Variants in SGMS1 observed in about 807,000 individuals in gnomAD.
SGMS1 encodes the protein phosphatidylcholine:ceramide cholinephosphotransferase 1.
Under a neutral mutation model 46.2 loss-of-function variants are expected in SGMS1, and 13 were observed. The ratio of observed to expected loss-of-function variants is 0.28; its 90% CI spans 0.18 to 0.45. The LOEUF (loss-of-function observed/expected upper bound fraction) is 0.45. Among genes scored for constraint, SGMS1 ranks in the 20% least tolerant of loss-of-function variants. The pLI is 1.00. For synonymous variants in SGMS1, 203 were observed against 187.8 expected, an observed-to-expected ratio of 1.08 and a Z score of -0.66; for missense variants, 324 against 519.9, an observed-to-expected ratio of 0.62 and a Z score of 3.66.
chr10:50,558,504 T>C (rs1454404957), intron 2 of SGMS1, among the ~76,000 whole-genome samples: 1 of 152,230 alleles, frequency 6.6e-6, no homozygotes, highest in Non-Finnish European at 1.5e-5. Flanking sequence ...AAATGGGATC[T>C]GGCATCCTTT....
intron 6 of SGMS1, among the ~76,000 whole-genome samples, chr10:50,383,065 G>T (rs548364471): frequency 6.6e-6 from 1 of 152,130 alleles, no homozygotes; most frequent in African/African-American, 2.4e-5. Flanking sequence ...AGGAAGAAAC[G>T]TATACTGAAG....
intron 3 of SGMS1, among the ~76,000 whole-genome samples, chr10:50,495,272 AAAGGATGT>A (rs1329059127): frequency 4.1e-5 from 6 of 145,864 alleles, no homozygotes; most frequent in African/African-American, 5.0e-5. Flanking sequence ...GAAAAAAAAA[AAAGGATGT>A]GCTGTATCTG....
chr10:50,623,551 G>C (rs1234080674), intron 1 of SGMS1, 156 bp downstream of exon 1: 1 of 982,108 alleles, frequency 1.0e-6, no homozygotes, highest in Non-Finnish European at 1.2e-6. Context: ...CTGCCCGCCA[G>C]GTACGCGCGC....
At chr10:50,528,579 C>T (rs1009827800) in intron 2 of SGMS1, among the ~76,000 whole-genome samples, 40 of 152,220 alleles carry the variant, frequency 2.6e-4, no homozygotes, top group Admixed American at 1.2e-3. Context: ...TTATCAATGT[C>T]TAAATCCCCA....
chr10:50,484,159 A>G (rs1837500289), intron 3 of SGMS1, among the ~76,000 whole-genome samples: 1 of 152,140 alleles, frequency 6.6e-6, no homozygotes, highest in Non-Finnish European at 1.5e-5. Flanking sequence ...CTAGACTAAT[A>G]AAGAAGAAAA....
intron 8 of SGMS1, among the ~76,000 whole-genome samples, chr10:50,313,987 A>T (rs1374878558): frequency 1.3e-5 from 2 of 152,198 alleles, no homozygotes; most frequent in Non-Finnish European, 2.9e-5. Context: ...AGAAAAATTT[A>T]AATTATGTTT....
At position 50,582,340 on chromosome 10, in the gene SGMS1, A is replaced by G. The variant is rs570001471; in HGVS notation, c.-589+7813T>C. On this transcript the variant is annotated intron_variant, in intron 2 of 10. Transcript: ENST00000361781. ...AAATCTCCTTCATTAAGTCATTTGG[A>G]TAATTTCCCCACAAAACATTCTCAA... is the stretch of plus-strand genomic sequence containing the variant. 8.5e-5 allele frequency among the ~76,000 whole-genome samples: 13 copies of G among 152,332 alleles called. 1 individual carries two copies. In the South Asian group the frequency reaches 2.7e-3, roughly 32 times the overall value.
At chr10:50,523,454 G>T (rs1346682213) in intron 2 of SGMS1, among the ~76,000 whole-genome samples, 1 of 152,132 alleles carries the variant, frequency 6.6e-6, no homozygotes, top group Admixed American at 6.5e-5. Context: ...AAATGACAAG[G>T]AAATGTCCCT....
At chr10:50,598,008 G>A (rs1212183535) in intron 1 of SGMS1, among the ~76,000 whole-genome samples, 6 of 142,960 alleles carry the variant, frequency 4.2e-5, no homozygotes, top group East Asian at 2.0e-4. Flanking sequence ...GTGAAACTCC[G>A]TCTCAAAAAA....
intron 1 of SGMS1, among the ~76,000 whole-genome samples, chr10:50,593,815 T>C (rs191883476): frequency 6.8e-4 from 103 of 152,316 alleles, no homozygotes; most frequent in Non-Finnish European, 1.1e-3. Flanking sequence ...ACAGTTCTCA[T>C]TGTGTGAACA....
At chr10:50,615,573 C>G (rs1838789051) in intron 1 of SGMS1, among the ~76,000 whole-genome samples, 1 of 152,188 alleles carries the variant, frequency 6.6e-6, no homozygotes, top group African/African-American at 2.4e-5. Flanking sequence ...GGCTCTTCAC[C>G]ACTGTACTAT....
At position 50,389,116 on chromosome 10, in the gene SGMS1, T is replaced by C. The variant is rs192546767; in HGVS notation, c.-232+44360A>G. Reference sequence around the variant, plus strand: ...TGTCATATACCTTAAATATATACAATGAAATTTATTTTAAAAAATATCAAC... The same window carrying C: ...TGTCATATACCTTAAATATATACAACGAAATTTATTTTAAAAAATATCAAC... On this transcript the variant is annotated intron_variant, in intron 6 of 10. Transcript: ENST00000361781. Among the ~76,000 whole-genome samples, 4 of 152,340 alleles carry C rather than the reference T, an allele frequency of 2.6e-5. No individual in the cohort carries two copies. In the East Asian group the frequency reaches 7.7e-4, roughly 29 times the overall value.
At chr10:50,599,146 G>T (rs909508251) in intron 1 of SGMS1, among the ~76,000 whole-genome samples, 1 of 152,174 alleles carries the variant, frequency 6.6e-6, no homozygotes, top group Non-Finnish European at 1.5e-5. Context: ...CAGACAAAAA[G>T]AATGAGGACT....
At chr10:50,575,286 G>A (rs991272352) in intron 2 of SGMS1, among the ~76,000 whole-genome samples, 1 of 152,112 alleles carries the variant, frequency 6.6e-6, no homozygotes, top group South Asian at 2.1e-4. Context: ...AGGCACAGTG[G>A]CTCACGCCTA....
chr10:50,327,900 G>C (rs901612939), intron 7 of SGMS1, among the ~76,000 whole-genome samples: 1 of 152,144 alleles, frequency 6.6e-6, no homozygotes, highest in African/African-American at 2.4e-5. Context: ...AGCTTGGGAT[G>C]CACATTTACT....
intron 1 of SGMS1, among the ~76,000 whole-genome samples, chr10:50,612,707 G>A (rs545638780): frequency 6.6e-6 from 1 of 152,220 alleles, no homozygotes; most frequent in Admixed American, 6.5e-5. Flanking sequence ...TTTGTTGTTT[G>A]TTGTTGTTGT....
At chr10:50,376,896 AAGATGGGCAGCTCTAC>A (rs1848530299) in intron 6 of SGMS1, among the ~76,000 whole-genome samples, 1 of 152,126 alleles carries the variant, frequency 6.6e-6, no homozygotes, top group Admixed American at 6.5e-5. Context: ...GGCATTTTTT[AAGATGGGCAGCTCTAC>A]AGAAACAATT....
chr10:50,379,853 T>C (rs545277694), intron 6 of SGMS1, among the ~76,000 whole-genome samples: 1 of 152,260 alleles, frequency 6.6e-6, no homozygotes, highest in East Asian at 1.9e-4. Context: ...CCAAACTTCC[T>C]GGCAACGGCA....
At chr10:50,505,868 C>A (rs1045289066) in intron 3 of SGMS1, among the ~76,000 whole-genome samples, 8 of 152,110 alleles carry the variant, frequency 5.3e-5, no homozygotes, top group African/African-American at 1.9e-4. Flanking sequence ...GGGGGGAGAG[C>A]ATCCTCTAAA....
Sources: allele counts gnomAD v4.1 joint callset (sites outside exome capture counted in the v4.1 genomes callset), GRCh38; gene constraint gnomAD v4.1.1; transcripts MANE v1.5; gene names NCBI Gene and HGNC (gene_info 2026-07-23, HGNC 2026-07-21).